BMPR1B: variants seen among roughly 807,000 people sequenced by gnomAD.
BMPR1B encodes bone morphogenetic protein receptor type 1B, also known as bone morphogenetic protein receptor type-1B.
Under a neutral mutation model 59.1 loss-of-function variants are expected in BMPR1B, and 12 were observed. The ratio of observed to expected loss-of-function variants is 0.20; its 90% confidence interval spans 0.13 to 0.33. The LOEUF (loss-of-function observed/expected upper bound fraction) is 0.33. Ranked by LOEUF, BMPR1B falls within the 10% of genes least tolerant of loss-of-function variation. The pLI, the probability that BMPR1B is intolerant of heterozygous loss-of-function variation, is 1.00. For synonymous variants in BMPR1B, 237 were observed against 207.3 expected (o/e 1.14, Z -1.23); for missense variants, 550 against 610.9 (o/e 0.90, Z 1.05).
Position 95,106,209 on chromosome 4 carries a change from T to C in BMPR1B, c.143+1642T>C, listed in dbSNP as rs1340111370. 4.1e-4 allele frequency among the ~76,000 whole-genome samples: 62 copies of C among 152,124 alleles called. 1 individual carries two copies. The highest frequency in any genetic ancestry group is 4.0e-3 in the Admixed American group (61 of 15,246). On this transcript the variant is annotated intron_variant, in intron 4 of 12. Coordinates refer to ENST00000515059, the MANE Select transcript of BMPR1B (RefSeq NM_001203.3). ...GACAGGAGGTATAGTGACTGTGACC[T>C]GGTGGGCTATATTAAGAACGTGATC...
chr4:95,019,861 C>T (rs112002746), intron 3 of BMPR1B, among the ~76,000 whole-genome samples: 2 of 152,046 alleles, frequency 1.3e-5, no homozygotes, highest in Admixed American at 1.3e-4. Flanking sequence ...CAAAATAAAT[C>T]GTCCTCAAGT....
chr4:95,107,937 A>G (rs560318224), intron 4 of BMPR1B, among the ~76,000 whole-genome samples: 1 of 152,106 alleles, frequency 6.6e-6, no homozygotes, highest in South Asian at 2.1e-4. Flanking sequence ...ACCTATATAA[A>G]TCCAGGACTT....
At chr4:94,802,810 GTC>G (rs1262148701) in intron 1 of BMPR1B, among the ~76,000 whole-genome samples, 1 of 150,076 alleles carries the variant, frequency 6.7e-6, no homozygotes, top group African/African-American at 2.5e-5. Context: ...AGTAGACTGA[GTC>G]TATAATTTAC....
chr4:95,011,806 G>T (rs1021472681), intron 3 of BMPR1B, among the ~76,000 whole-genome samples: 3 of 152,080 alleles, frequency 2.0e-5, no homozygotes, highest in Non-Finnish European at 4.4e-5. Flanking sequence ...ATCATCTGAG[G>T]TTGGGAGTTC....
chr4:95,104,572 G>GT lies in BMPR1B; in HGVS notation c.143+6dup, dbSNP rs753931263. ...CTCAGTCAACAATATTTGCAGGTTG[G>GT]TGATATAAATGATTTAAAGCTAGCT... On this transcript the variant is annotated splice_donor_region_variant and intron_variant, in intron 4 of 12. Coordinates refer to ENST00000515059, the MANE Select transcript of BMPR1B (RefSeq NM_001203.3). 5 of 1,613,202 alleles carry GT rather than the reference G, an allele frequency of 3.1e-6. No homozygotes were observed. Among genetic ancestry groups the GT allele is most frequent in the Non-Finnish European group, 4.2e-6 (5 of 1,179,422 alleles).
intron 2 of BMPR1B, among the ~76,000 whole-genome samples, chr4:94,904,661 A>G (rs1727969259): frequency 6.6e-6 from 1 of 152,186 alleles, no homozygotes; most frequent in South Asian, 2.1e-4. Flanking sequence ...AATGATGAGC[A>G]ACATAATTTT....
At chr4:95,130,723 CTTTTTTTTTTT>C (rs148720302) in intron 9 of BMPR1B, among the ~76,000 whole-genome samples, 3 of 77,930 alleles carry the variant, frequency 3.8e-5, no homozygotes, top group Admixed American at 1.8e-4. Context: ...CTTTTCTTTT[CTTTTTTTTTTT>C]TTTTTTTTTT....
intron 3 of BMPR1B, among the ~76,000 whole-genome samples, chr4:95,021,868 CA>C (rs1405202722): frequency 6.6e-6 from 1 of 152,090 alleles, no homozygotes; most frequent in African/African-American, 2.4e-5. Context: ...CATGTATTGG[CA>C]AAGCACGTTC....
chr4:94,903,408 C>T (rs1454991909), intron 2 of BMPR1B, among the ~76,000 whole-genome samples: 1 of 151,528 alleles, frequency 6.6e-6, no homozygotes, highest in Non-Finnish European at 1.5e-5. Flanking sequence ...TGTTGCTGCT[C>T]TATTTAATTC....
chr4:94,944,557 C>T (rs760314886), intron 2 of BMPR1B, among the ~76,000 whole-genome samples: 25 of 152,086 alleles, frequency 1.6e-4, no homozygotes, highest in African/African-American at 3.4e-4. Flanking sequence ...AGAAATTAGA[C>T]GACCATGTGC....
intron 3 of BMPR1B, among the ~76,000 whole-genome samples, chr4:95,087,364 A>ATGTG (rs149996410): frequency 3.3e-5 from 5 of 151,516 alleles, no homozygotes; most frequent in East Asian, 1.9e-4. Flanking sequence ...CTAGAGATAG[A>ATGTG]TGTGTGTGTG....
intron 3 of BMPR1B, among the ~76,000 whole-genome samples, chr4:95,006,388 A>AG (rs1228187024): frequency 6.6e-6 from 1 of 151,490 alleles, no homozygotes; most frequent in Admixed American, 6.6e-5. Context: ...AAAAAAAAAA[A>AG]AAGTTTTATT....
intron 3 of BMPR1B, among the ~76,000 whole-genome samples, chr4:95,096,745 CT>C (rs1730409312): frequency 5.9e-5 from 1 of 16,840 alleles, no homozygotes; most frequent in African/African-American, 1.3e-4. Flanking sequence ...TTATATATAA[CT>C]ATATATAGTT....
At chr4:95,037,014 G>T (rs35966830) in intron 3 of BMPR1B, among the ~76,000 whole-genome samples, 38,660 of 152,072 alleles carry the variant, frequency 0.25, 6,177 homozygotes, top group South Asian at 0.42. Context: ...CCAACAGTTA[G>T]CATGAATGAC....
intron 1 of BMPR1B, among the ~76,000 whole-genome samples, chr4:94,838,891 G>T (rs1253513645): frequency 1.4e-5 from 2 of 140,870 alleles, no homozygotes; most frequent in Admixed American, 1.4e-4. Flanking sequence ...TCTCTTGTGG[G>T]CATTTAGTGC....
chr4:94,898,648 C>T (rs1201160522), intron 2 of BMPR1B, among the ~76,000 whole-genome samples: 1 of 152,020 alleles, frequency 6.6e-6, no homozygotes, highest in Non-Finnish European at 1.5e-5. Context: ...AAACTCTTTT[C>T]TTTGTAAATT....
chr4:94,887,403 C>CAAAAAAAAAAAAAAAAAAAAAAAA (rs57818132), intron 2 of BMPR1B, among the ~76,000 whole-genome samples: 5 of 54,802 alleles, frequency 9.1e-5, no homozygotes, highest in Admixed American at 2.5e-4. Flanking sequence ...CACCCCCCAC[C>CAAAAAAAAAAAAAAAAAAAAAAAA]AAAAAAAAAA....
chr4:95,118,995 A>T (rs35825795), intron 6 of BMPR1B, among the ~76,000 whole-genome samples: 166 of 152,298 alleles, frequency 1.1e-3, no homozygotes, highest in Non-Finnish European at 1.8e-3. Flanking sequence ...TAATAAGATA[A>T]GTAATACACA....
intron 1 of BMPR1B, among the ~76,000 whole-genome samples, chr4:94,862,066 T>C (rs940875872): frequency 1.3e-5 from 2 of 151,614 alleles, no homozygotes; most frequent in African/African-American, 4.9e-5. Context: ...ACAGTACCTG[T>C]CAACCAACAC....
Sources: allele counts gnomAD v4.1 joint callset (sites outside exome capture counted in the v4.1 genomes callset), GRCh38; gene constraint gnomAD v4.1.1; transcripts MANE v1.5; gene names NCBI Gene and HGNC (gene_info 2026-07-23, HGNC 2026-07-21).